The following ANKAR variants were observed in gnomAD, a reference collection of about 807,000 sequenced individuals.
ANKAR encodes ankyrin and armadillo repeat containing, also known as ankyrin and armadillo repeat-containing protein.
A neutral mutation model predicts 146.2 loss-of-function variants in ANKAR; 136 were observed. That is an observed-to-expected ratio of 0.93 (90% CI 0.81 to 1.07). The LOEUF (loss-of-function observed/expected upper bound fraction) is 1.07, where lower values mean the gene tolerates loss of function less well. ANKAR is among the 50% of genes least tolerant of loss of function. The probability of loss-of-function intolerance (pLI) is 0.00; values close to 1 mark genes in which losing one functional copy is unlikely to be tolerated. For synonymous variants in ANKAR, 500 were observed against 575.8 expected (o/e 0.87, Z 1.88); for missense variants, 1,567 against 1,679.9 (o/e 0.93, Z 1.18).
At position 189,720,750 on chromosome 2, in the gene ANKAR, C is replaced by A; in HGVS notation, c.2598C>A (p.Gly866=). 6.6e-7 allele frequency: 1 copy of A among 1,506,572 alleles called. No individual in the cohort carries two copies. Among genetic ancestry groups the A allele is most frequent in the Non-Finnish European group, 8.8e-7 (1 of 1,133,174 alleles). 93.3% of individuals were successfully genotyped at this position (1,506,572 alleles called of 1,614,324 possible). The change falls in exon 12 of 23, where the codon GGC becomes GGA. Residue 866 remains glycine (G), a synonymous_variant. Transcript: ENST00000684021. ...AAAGAGCTGTGAGAGAACATAAAGG[C>A]CTCCCATATCTTATCAGATTTCTGA... The part of the protein sequence containing the change: ...NNQRAVREHK[G]LPYLIRFLSS...
chr2:189,730,097 A>G (rs2042270295), intron 15 of ANKAR, among the ~76,000 whole-genome samples: 1 of 152,182 alleles, frequency 6.6e-6, no homozygotes, highest in South Asian at 2.1e-4. Context: ...TAAGAAACCA[A>G]GAAATTTTAA....
intron 10 of ANKAR, among the ~76,000 whole-genome samples, chr2:189,714,727 A>G (rs2040180675): frequency 6.6e-6 from 1 of 151,846 alleles, no homozygotes; most frequent in African/African-American, 2.4e-5. Flanking sequence ...CGGGCGGATC[A>G]CGAGGTCAGG....
At chr2:189,699,595 C>A (rs905318446) in intron 7 of ANKAR, among the ~76,000 whole-genome samples, 6 of 152,148 alleles carry the variant, frequency 3.9e-5, no homozygotes, top group Admixed American at 3.3e-4. Flanking sequence ...AAATGTCATT[C>A]ATTTCACTTA....
rs1271724082 is a variant in ANKAR, at chr2:189,705,233, T to G, written c.1910+9T>G. 1 of 1,613,400 alleles carries G rather than the reference T, an allele frequency of 6.2e-7. No homozygotes were observed. The highest frequency in any genetic ancestry group is 1.7e-5 in the Admixed American group (1 of 59,992). On this transcript the variant is annotated intron_variant, in intron 8 of 22. Transcript: ENST00000684021. The stretch of plus-strand genomic sequence containing the variant: ...GCTGAGGCAACAGCTGAGTAAGTCA[T>G]TAAGCATTTATATCAGGTTGAGGTT...
chr2:189,752,761 A>T, intron 18 of ANKAR: 1 of 1,613,456 alleles, frequency 6.2e-7, no homozygotes, highest in Middle Eastern at 1.7e-4. Context: ...CAATAGCTCC[A>T]AGATCTGAAG....
rs574429681 is a variant in ANKAR, at chr2:189,710,032, C to G, written c.2120-1017C>G. Among the ~76,000 whole-genome samples the G allele has an allele frequency of 1.6e-4, 24 of 152,286 alleles. 1 individual carries two copies. In the South Asian group the frequency reaches 4.8e-3, roughly 30 times the overall value. On this transcript the variant is annotated intron_variant, in intron 9 of 22. Coordinates refer to ENST00000684021, the MANE Select transcript of ANKAR (RefSeq NM_001378068.1). Reference sequence around the variant, plus strand: ...TTTTGCCTTGGGCCCTGCAATAGCTCTCCCTCCTCACACTGCCCATTTCCA... The same window carrying G: ...TTTTGCCTTGGGCCCTGCAATAGCTGTCCCTCCTCACACTGCCCATTTCCA...
Position 189,706,525 on chromosome 2 carries a change from G to A in ANKAR, c.1911-413G>A, listed in dbSNP as rs1272816446. 2.0e-5 allele frequency among the ~76,000 whole-genome samples: 3 copies of A among 152,186 alleles called. No homozygotes were observed. The East Asian group carries it at 5.8e-4, about 29-fold the overall frequency. On this transcript the variant is annotated intron_variant, in intron 8 of 22. Coordinates refer to ENST00000684021, the MANE Select transcript of ANKAR (RefSeq NM_001378068.1). ...AAACTGTTAGTTTCTGCCACAATGA[G>A]GAAGCTGGGATTTGAAAACTGGACA...
At chr2:189,696,073 A>G (rs2037153665) in intron 6 of ANKAR, 77 bp from the exon 7 acceptor site, 4 of 1,275,782 alleles carry the variant, frequency 3.1e-6, no homozygotes, top group Admixed American at 3.7e-5. Flanking sequence ...TTCTGTTAAT[A>G]CACTTCATGT....
rs1193701715 is a variant in ANKAR at position 189,689,938 on chromosome 2, T to C, written c.1013T>C (p.Leu338Ser). ...AAGAAGAAAATGAAAGTTCCATATT[T>C]AAGTAGTCTGCTTCAGCCTTTTTCA... The part of the protein sequence containing the change: ...SLKKKMKVPY[L>S]SSLLQPFSDD... The change falls in exon 3 of 23, where the codon TTA becomes TCA. Residue 338 changes from leucine to serine, a missense_variant. Physicochemically the swap from Leu to Ser is moderately radical, Grantham distance 145. Coordinates refer to ENST00000684021, the MANE Select transcript of ANKAR (RefSeq NM_001378068.1). 2.0e-6 allele frequency: 3 copies of C among 1,528,942 alleles called. No homozygotes were observed. The highest frequency in any genetic ancestry group is 2.6e-6 in the Non-Finnish European group (3 of 1,146,252). The allele number at this position is 1,528,942 out of a possible 1,614,324, so 94.7% of individuals were successfully genotyped here.
intron 10 of ANKAR, among the ~76,000 whole-genome samples, chr2:189,715,796 A>G (rs543630947): frequency 3.9e-5 from 6 of 152,232 alleles, no homozygotes; most frequent in Non-Finnish European, 8.8e-5. Flanking sequence ...ACGCAAATCA[A>G]TAAATGTAAT....
chr2:189,711,063 G>C lies in ANKAR; in HGVS notation c.2134G>C (p.Glu712Gln). 1.2e-6 allele frequency: 2 copies of C among 1,613,902 alleles called. No homozygotes were observed. Among genetic ancestry groups the C allele is most frequent in the Non-Finnish European group, 1.7e-6 (2 of 1,179,866 alleles). ...ACACTTAACAGAAATGTTACAGTGT[G>C]AAAGCTATAAACGAAGGATGATGGC... ...WKTLVEMLQC[E>Q]SYKRRMMAVM... is the part of the protein sequence containing the mutation. Residue 712 changes from glutamate to glutamine, a missense_variant, in exon 10 of 23, where the codon GAA becomes CAA. By Grantham distance (29) the Glu-to-Gln change is conservative. Coordinates refer to ENST00000684021, the MANE Select transcript of ANKAR (RefSeq NM_001378068.1).
downstream of ANKAR, among the ~76,000 whole-genome samples, chr2:189,750,906 G>A: frequency 6.6e-6 from 1 of 152,166 alleles, no homozygotes; most frequent in Non-Finnish European, 1.5e-5. Context: ...CTCAAATACT[G>A]TAAATAAGTT....
At chr2:189,733,022 G>A in intron 16 of ANKAR, 85 bp from the exon 17 acceptor site, 2 of 1,280,204 alleles carry the variant, frequency 1.6e-6, no homozygotes, top group South Asian at 1.9e-5. Flanking sequence ...TTTCCACAAT[G>A]TATTCTATAT....
At chr2:189,751,421 G>A (rs944090737), downstream of ANKAR, among the ~76,000 whole-genome samples, 2 of 151,390 alleles carry the variant, frequency 1.3e-5, no homozygotes, top group Admixed American at 6.6e-5. Context: ...GTCAAGTTAC[G>A]GAATATAATG....
intron 7 of ANKAR, among the ~76,000 whole-genome samples, chr2:189,702,243 G>C (rs138648536): frequency 0.012 from 1,793 of 152,156 alleles, 40 homozygotes; most frequent in African/African-American, 0.04. Context: ...ATTTCAAAAT[G>C]GTTCCTTTTC....
rs141013296 is a variant in ANKAR, at chr2:189,754,380, T to G, written c.*585-6718T>G. 5.2e-6 allele frequency: 8 copies of G among 1,530,606 alleles called. No individual in the cohort carries two copies. In the South Asian group the frequency reaches 9.8e-5, roughly 19 times the overall value. 94.8% of individuals were successfully genotyped at this position (1,530,606 alleles called of 1,614,324 possible). A position where few individuals can be genotyped will look rare whatever the true frequency, so the allele number is the denominator to read the frequency against. ...AAACATATTTTTTAGAGTCATAAAA[T>G]TAAATACTGTGAAACGAAAAGATGC... On this transcript the variant is annotated intron_variant and NMD_transcript_variant, in intron 18 of 18. Transcript: ENST00000441800.
rs2036117146 is a variant in ANKAR, at chr2:189,689,633, T to C, written c.708T>C (p.Phe236=). 8 of 1,613,780 alleles carry C rather than the reference T, an allele frequency of 5.0e-6. No homozygotes were observed. The highest frequency in any genetic ancestry group is 6.8e-6 in the Non-Finnish European group (8 of 1,179,788). The change falls in exon 3 of 23, where the codon TTT becomes TTC. Residue 236 remains phenylalanine (F), a synonymous_variant. Coordinates refer to ENST00000684021, the MANE Select transcript of ANKAR (RefSeq NM_001378068.1). ...ACAGCCCTGAAGAAACAGCTGTATT[T>C]ATGAAATATGCTGAAAATATTATGC... ...DPNSPEETAV[F]MKYAENIMLK... is the part of the protein sequence containing the mutation.
Position 189,760,875 on chromosome 2 carries a change from C to T in ANKAR, c.*585-223C>T, listed in dbSNP as rs183948382. Among the ~76,000 whole-genome samples the T allele has an allele frequency of 1.1e-3, 166 of 152,264 alleles. 1 individual carries two copies. The highest frequency in any genetic ancestry group is 1.6e-3 in the Non-Finnish European group (110 of 68,012). On this transcript the variant is annotated intron_variant and NMD_transcript_variant, in intron 18 of 18. Transcript: ENST00000441800. ...TAATAACACAGGTCCTGCATTCCCA[C>T]ATGACAACTGGCTAGAGCTGAGTAG... is the stretch of plus-strand genomic sequence containing the variant.
At chr2:189,698,955 C>T (rs1365137111) in intron 7 of ANKAR, among the ~76,000 whole-genome samples, 1 of 152,176 alleles carries the variant, frequency 6.6e-6, no homozygotes, top group African/African-American at 2.4e-5. Flanking sequence ...TTATTGCTCT[C>T]TCTTTTTCTT....
Sources: allele counts gnomAD v4.1 joint callset (sites outside exome capture counted in the v4.1 genomes callset), GRCh38; gene constraint gnomAD v4.1.1; transcripts MANE v1.5; gene names NCBI Gene and HGNC (gene_info 2026-07-23, HGNC 2026-07-21).